The following SLC26A8 variants were observed in gnomAD, a reference collection of about 807,000 sequenced individuals.
SLC26A8 encodes solute carrier family 26 member 8.
In SLC26A8, 70 loss-of-function variants were observed where a neutral mutation model predicts 105.0. The ratio of observed to expected loss-of-function variants is 0.67; its 90% CI spans 0.55 to 0.81. The LOEUF is 0.81. SLC26A8 is among the 40% of genes least tolerant of loss of function. The probability of loss-of-function intolerance (pLI) is 0.00; values close to 1 mark genes in which losing one functional copy is unlikely to be tolerated. For missense variants in SLC26A8, 998 were observed against 1,181.8 expected, an observed-to-expected ratio of 0.84 and a Z score of 2.28; for synonymous variants, 415 against 438.3, an observed-to-expected ratio of 0.95 and a Z score of 0.66.
At chr6:35,959,368 C>CT in intron 16 of SLC26A8, 92 bp downstream of exon 16, 1 of 1,405,304 alleles carries the variant, frequency 7.1e-7, no homozygotes, top group Non-Finnish European at 9.5e-7. Flanking sequence ...GTCAAAATCC[C>CT]TTAGAGGTTT....
At chr6:36,019,750 G>A in intron 1 of SLC26A8, 41 bp from the exon 2 acceptor site, 4 of 1,537,616 alleles carry the variant, frequency 2.6e-6, no homozygotes, top group Non-Finnish European at 2.6e-6. Context: ...AGCATTTTCA[G>A]TAATCCAGAT....
intron 7 of SLC26A8, among the ~76,000 whole-genome samples, chr6:35,984,220 T>C (rs184300468): frequency 2.0e-5 from 3 of 152,234 alleles, no homozygotes; most frequent in Admixed American, 2.0e-4. Context: ...TGGACCTCTG[T>C]TTCCTCCCCT....
intron 7 of SLC26A8, among the ~76,000 whole-genome samples, chr6:35,987,730 A>G (rs376613971): frequency 6.6e-6 from 1 of 152,172 alleles, no homozygotes. Context: ...AGAAGAGGGA[A>G]CTTGCACCTA....
chr6:35,965,380 C>T (rs560951217), intron 11 of SLC26A8, among the ~76,000 whole-genome samples: 1 of 152,056 alleles, frequency 6.6e-6, no homozygotes, highest in Non-Finnish European at 1.5e-5. Context: ...TTTTAAGAAG[C>T]ATTTTTGCTC....
chr6:36,005,948 A>G (rs1761672692), intron 3 of SLC26A8, among the ~76,000 whole-genome samples: 1 of 152,222 alleles, frequency 6.6e-6, no homozygotes, highest in Non-Finnish European at 1.5e-5. Context: ...TCTTCATCAT[A>G]TAGTATTTTT....
At chr6:36,024,151 G>A (rs896463859) in intron 1 of SLC26A8, among the ~76,000 whole-genome samples, 1 of 152,136 alleles carries the variant, frequency 6.6e-6, no homozygotes, top group African/African-American at 2.4e-5. Context: ...AGGAACGGCC[G>A]GGCAGTCAGG....
chr6:35,957,218 G>A (rs545812246), intron 16 of SLC26A8, among the ~76,000 whole-genome samples: 6 of 152,030 alleles, frequency 3.9e-5, no homozygotes, highest in South Asian at 2.1e-4. Context: ...GTGAAACTCC[G>A]TCTCAAAATA....
chr6:35,959,969 C>G, intron 14 of SLC26A8, 163 bp from the exon 15 acceptor site: 2 of 539,358 alleles, frequency 3.7e-6, no homozygotes, highest in Non-Finnish European at 3.1e-6. Context: ...AGTGCAATGG[C>G]GCGATCTTGG....
intron 12 of SLC26A8, among the ~76,000 whole-genome samples, 170 bp from the exon 13 acceptor site, chr6:35,961,269 C>T (rs543203675): frequency 1.7e-4 from 26 of 152,292 alleles, no homozygotes; most frequent in Admixed American, 1.6e-3. Flanking sequence ...TGGGGCCCTC[C>T]AGGATGCCTA....
chr6:35,975,485 A>G lies in SLC26A8; in HGVS notation c.1177T>C (p.Leu393=). 1.2e-6 allele frequency: 2 copies of G among 1,605,552 alleles called. No individual in the cohort carries two copies. Among genetic ancestry groups the G allele is most frequent in the Non-Finnish European group, 1.7e-6 (2 of 1,174,164 alleles). ...ACATTGCAAAGGCCGATGGCTATTA[A>G]ATCCTGTAAAGAAACAGCAGATGCT... is the stretch of plus-strand genomic sequence containing the variant. ...HNYSVNSNQD[L]IAIGLCNVVS... Residue 393 remains leucine, a synonymous_variant, in exon 10 of 20, where the codon TTA becomes CTA. Transcript: ENST00000490799.
intron 4 of SLC26A8, among the ~76,000 whole-genome samples, chr6:35,998,732 CATAA>C (rs1581682576): frequency 6.6e-6 from 1 of 151,972 alleles, no homozygotes; most frequent in African/African-American, 2.4e-5. Context: ...ATTTACCTAA[CATAA>C]ATAAATCTCT....
chr6:35,963,574 C>T (rs181420097), intron 11 of SLC26A8, among the ~76,000 whole-genome samples: 13 of 152,268 alleles, frequency 8.5e-5, no homozygotes, highest in African/African-American at 2.9e-4. Flanking sequence ...ACCCACAAGT[C>T]GACCACTCAC....
intron 10 of SLC26A8, among the ~76,000 whole-genome samples, chr6:35,972,196 G>C (rs1034788307): frequency 1.8e-4 from 27 of 152,212 alleles, no homozygotes; most frequent in African/African-American, 6.5e-4. Context: ...GAGGTTCAGA[G>C]CCAGCCCCAT....
intron 8 of SLC26A8, among the ~76,000 whole-genome samples, chr6:35,980,824 C>T (rs1773237507): frequency 6.6e-6 from 1 of 152,014 alleles, no homozygotes; most frequent in Non-Finnish European, 1.5e-5. Context: ...ATCAGCCTGG[C>T]CAACATGGTG....
At chr6:36,000,749 T>G (rs961591305) in intron 3 of SLC26A8, among the ~76,000 whole-genome samples, 18 of 152,222 alleles carry the variant, frequency 1.2e-4, no homozygotes, top group African/African-American at 4.3e-4. Flanking sequence ...ACTGATATAC[T>G]CATCTAAATT....
intron 19 of SLC26A8, among the ~76,000 whole-genome samples, chr6:35,945,744 C>G (rs184999970): frequency 2.0e-5 from 3 of 152,354 alleles, no homozygotes; most frequent in Non-Finnish European, 2.9e-5. Flanking sequence ...CTACTCCTTA[C>G]TAGACTCTAA....
intron 5 of SLC26A8, among the ~76,000 whole-genome samples, chr6:35,996,510 A>G (rs1219935565): frequency 6.6e-6 from 1 of 152,146 alleles, no homozygotes; most frequent in Non-Finnish European, 1.5e-5. Flanking sequence ...ACTAACCCAA[A>G]GATAGTGTGT....
At chr6:35,951,100 C>CACCCAACCCCCCACAGCCCACAA in intron 19 of SLC26A8, 63 bp downstream of exon 19, 9 of 1,364,740 alleles carry the variant, frequency 6.6e-6, no homozygotes, top group Non-Finnish European at 7.1e-6. Flanking sequence ...AACCACCCCT[C>CACCCAACCCCCCACAGCCCACAA]ACCCATCCCC....
intron 3 of SLC26A8, 76 bp downstream of exon 3, chr6:36,012,157 G>A: frequency 6.5e-7 from 1 of 1,535,208 alleles, no homozygotes; most frequent in Admixed American, 2.2e-5. Context: ...TGTAGCACAA[G>A]TAATTGTTTA....
Sources: gnomAD v4.1 joint callset for allele counts (sites outside exome capture counted in the v4.1 genomes callset) on GRCh38, gnomAD v4.1.1 for gene constraint, MANE v1.5 for transcripts, NCBI Gene and HGNC (gene_info 2026-07-23, HGNC 2026-07-21) for gene names.